The following NRP2 variants were observed in gnomAD, a reference collection of about 807,000 sequenced individuals.
NRP2 encodes the protein neuropilin-2.
A neutral mutation model predicts 110.4 loss-of-function variants in NRP2; 52 were observed. That is an observed-to-expected ratio of 0.47 (90% CI 0.38 to 0.59). The LOEUF (loss-of-function observed/expected upper bound fraction) is 0.59. NRP2 is among the 20% of genes least tolerant of loss of function. The probability of loss-of-function intolerance (pLI) is 0.00; values close to 1 mark genes in which losing one functional copy is unlikely to be tolerated. For synonymous variants in NRP2, 508 were observed against 468.9 expected (o/e 1.08, Z -1.08); for missense variants, 1,049 against 1,203.0 (o/e 0.87, Z 1.89).
intron 7 of NRP2, among the ~76,000 whole-genome samples, chr2:205,737,270 G>A (rs758096960): frequency 7.9e-5 from 12 of 152,338 alleles, no homozygotes; most frequent in Non-Finnish European, 1.5e-4. Context: ...GGCTGTAAGG[G>A]ACAACGGGTA....
In NRP2 at chr2:205,725,756, T is replaced by G. The variant is rs1051546710; in HGVS notation, c.821-157T>G. Among the ~76,000 whole-genome samples, 3 of 152,258 alleles carry G rather than the reference T, an allele frequency of 2.0e-5. No homozygotes were observed. Among genetic ancestry groups the G allele is most frequent in the African/African-American group, 7.2e-5 (3 of 41,468 alleles). ...CAGAGGGGTTGTCAAGCTCCATGAC[T>G]TGATGTAGTTGTTTTTAAAATGTGA... On this transcript the variant is annotated intron_variant, in intron 5 of 16. Transcript: ENST00000357785. The surrounding 1 kb of genome is among the most constrained non-coding windows in gnomAD (Gnocchi z 4.1).
Position 205,797,049 on chromosome 2 carries a change from TTTGAGTTCTCTGTA to T in NRP2, c.*1993_*2006del, listed in dbSNP as rs1017861817. ...ATTCATGTGTGTGTGTCTTTGCTGC[TTTGAGTTCTCTGTA>T]TCTACTGTGTATGTGAATGGTCATG... On this transcript the variant is annotated 3_prime_UTR_variant, in exon 17 of 17. Transcript: ENST00000357785. The T allele has an allele frequency of 5.2e-5, 8 of 152,690 alleles. No homozygotes were observed. The highest frequency in any genetic ancestry group is 8.8e-5 in the Non-Finnish European group (6 of 68,052). The allele number at this position is 152,690 out of a possible 1,614,324, so 9.5% of individuals were successfully genotyped here.
chr2:205,711,237 A>G (rs1360261175), intron 2 of NRP2, among the ~76,000 whole-genome samples: 1 of 152,224 alleles, frequency 6.6e-6, no homozygotes, highest in African/African-American at 2.4e-5. Context: ...CATGCCAGGC[A>G]CCAGGGAAGT....
intron 2 of NRP2, among the ~76,000 whole-genome samples, chr2:205,706,888 C>A (rs866484092): frequency 6.6e-6 from 1 of 152,162 alleles, no homozygotes; most frequent in African/African-American, 2.4e-5. Context: ...CTCCACTGGT[C>A]GCTACAATAT....
At chr2:205,768,194 A>C (rs1453733881) in intron 15 of NRP2, 2 of 152,238 alleles carry the variant, frequency 1.3e-5, no homozygotes, top group African/African-American at 4.8e-5. Context: ...AAAAGTATTA[A>C]GAGTATTCAT....
At chr2:205,758,912 G>GT (rs1247409057) in intron 12 of NRP2, among the ~76,000 whole-genome samples, 1 of 152,092 alleles carries the variant, frequency 6.6e-6, no homozygotes, top group Non-Finnish European at 1.5e-5. Context: ...AAATAAAAAA[G>GT]TAGCCCCCCG....
At chr2:205,726,209 A>G in intron 6 of NRP2, 127 bp downstream of exon 6, 1 of 965,400 alleles carries the variant, frequency 1.0e-6, no homozygotes, top group Non-Finnish European at 1.6e-6. Context: ...AACTCCATTC[A>G]TTCATTCATC....
intron 2 of NRP2, among the ~76,000 whole-genome samples, chr2:205,705,266 G>A (rs1484189676): frequency 1.3e-5 from 2 of 151,412 alleles, no homozygotes; most frequent in South Asian, 4.2e-4. Flanking sequence ...ATGGGACATC[G>A]TGCCTCACAA....
At position 205,728,057 on chromosome 2, in the gene NRP2, G is replaced by T; in HGVS notation, c.1146+11G>T. On this transcript the variant is annotated intron_variant, in intron 7 of 16. Transcript: ENST00000357785. ...GGCAAAAACCACAAGGTAAATCCAT[G>T]ATCCTACCTTAAAGGCACATTGGAC... The T allele has an allele frequency of 6.2e-7, 1 of 1,614,108 alleles. No individual in the cohort carries two copies. The highest frequency in any genetic ancestry group is 1.1e-5 in the South Asian group (1 of 91,076).
chr2:205,687,131 T>A (rs2056188148), intron 1 of NRP2, among the ~76,000 whole-genome samples: 1 of 152,162 alleles, frequency 6.6e-6, no homozygotes, highest in Non-Finnish European at 1.5e-5. Context: ...GCCATTGCCA[T>A]GGACACGCGC....
intron 12 of NRP2, chr2:205,759,654 T>C (rs2057789569): frequency 6.6e-6 from 1 of 152,222 alleles, no homozygotes; most frequent in Non-Finnish European, 1.5e-5. Context: ...GAACCAGTCT[T>C]TGTCCAGAGA....
intron 2 of NRP2, chr2:205,700,803 C>T (rs777823897): frequency 3.5e-5 from 18 of 514,244 alleles, no homozygotes; most frequent in Admixed American, 3.3e-4. Flanking sequence ...CCCTTGACTC[C>T]TCCCTCCAGC....
At chr2:205,742,172 C>G (rs1202820945) in intron 8 of NRP2, among the ~76,000 whole-genome samples, 1 of 152,184 alleles carries the variant, frequency 6.6e-6, no homozygotes, top group East Asian at 1.9e-4. Flanking sequence ...CGTGGAGGAT[C>G]TTTTTTATCC....
At chr2:205,718,243 A>T (rs2105798190) in intron 3 of NRP2, among the ~76,000 whole-genome samples, 1 of 152,328 alleles carries the variant, frequency 6.6e-6, no homozygotes, top group South Asian at 2.1e-4. Context: ...ATCATGCTAC[A>T]TTCTCCAGAA....
chr2:205,709,436 T>C (rs2056753688), intron 2 of NRP2, among the ~76,000 whole-genome samples: 2 of 152,226 alleles, frequency 1.3e-5, no homozygotes, highest in African/African-American at 2.4e-5. Flanking sequence ...TGGGCCTGCA[T>C]GTACCTTCGC....
In NRP2 at chr2:205,683,230, A is replaced by C; in HGVS notation, c.-61A>C. The stretch of plus-strand genomic sequence containing the variant: ...AAGGAGGAAAATAAAAGAGAGAAAA[A>C]CACAAAGATTTAAACAAGAAACCTA... On this transcript the variant is annotated 5_prime_UTR_variant, in exon 1 of 17. Transcript: ENST00000357785. The C allele has an allele frequency of 8.0e-7, 1 of 1,246,538 alleles. No homozygotes were observed. The highest frequency in any genetic ancestry group is 1.2e-6 in the Non-Finnish European group (1 of 852,060). 77.2% of individuals were successfully genotyped at this position (1,246,538 alleles called of 1,614,324 possible).
Position 205,763,789 on chromosome 2 carries a change from C to G in NRP2, c.2160C>G (p.Tyr720Ter). Residue 720 changes from tyrosine (Y) to a stop codon, truncating the protein, a stop_gained, in exon 13 of 17, where the codon TAC (tyrosine) becomes TAG (stop). Transcript: ENST00000357785. LOFTEE classifies it high-confidence loss of function. This position sits in a 1 kb window ranked among gnomAD's most constrained non-coding sequence, Gnocchi z 4.0. ...GCCCGGTGTGCATGGAGTTCCAGTA[C>G]CAGGCCACGGGCGGCCGCGGGGTGG... ...PRSPVCMEFQ[Y>*]QATGGRGVAL... 1 of 1,614,194 alleles carries G rather than the reference C, an allele frequency of 6.2e-7. No homozygotes were observed. Among genetic ancestry groups the G allele is most frequent in the Non-Finnish European group, 8.5e-7 (1 of 1,180,042 alleles).
intron 15 of NRP2, among the ~76,000 whole-genome samples, chr2:205,780,126 G>A (rs3771001): frequency 6.6e-6 from 1 of 152,206 alleles, no homozygotes; most frequent in Non-Finnish European, 1.5e-5. Context: ...CTTTGAAGAA[G>A]CAGCAGTGAC....
At chr2:205,729,587 T>C (rs1188853584) in intron 7 of NRP2, among the ~76,000 whole-genome samples, 1 of 152,154 alleles carries the variant, frequency 6.6e-6, no homozygotes, top group Non-Finnish European at 1.5e-5. Flanking sequence ...GCTCACCTGA[T>C]TGTCTCCCTG....
Sources: gnomAD v4.1 joint callset for allele counts (sites outside exome capture counted in the v4.1 genomes callset) on GRCh38, gnomAD v4.1.1 for gene constraint, Gnocchi (gnomAD v3.1) non-coding constraint, MANE v1.5 for transcripts, NCBI Gene and HGNC (gene_info 2026-07-23, HGNC 2026-07-21) for gene names.